Variants in C12orf76 observed in about 807,000 individuals in gnomAD.
C12orf76 encodes the protein chromosome 12 open reading frame 76.
Under a neutral mutation model 6.8 loss-of-function variants are expected in C12orf76, and 6 were observed. That is an observed-to-expected ratio of 0.88 (90% CI 0.48 to 1.73). The LOEUF (loss-of-function observed/expected upper bound fraction) is 1.73. Among genes scored for constraint, C12orf76 ranks in the 40% most tolerant of loss-of-function variants. The pLI is 0.01. For missense variants in C12orf76, 99 were observed against 98.2 expected (o/e 1.01, Z -0.03); for synonymous variants, 56 against 43.7 (o/e 1.28, Z -1.11).
upstream of C12orf76, among the ~76,000 whole-genome samples, chr12:110,068,303 A>AGAAGAAGAAGAAGAAGAAGAAGAG (rs1566080186): frequency 1.0e-4 from 15 of 145,912 alleles, no homozygotes; most frequent in African/African-American, 3.7e-4. Context: ...AAGAAGAAGA[A>AGAAGAAGAAGAAGAAGAAGAAGAG]GAAGAAGAAG....
At chr12:110,056,305 T>A (rs1306006398) in intron 4 of C12orf76, among the ~76,000 whole-genome samples, 2 of 152,142 alleles carry the variant, frequency 1.3e-5, no homozygotes, top group Non-Finnish European at 2.9e-5. Context: ...AATCCCTGAA[T>A]GAAGAGAGAA....
intron 3 of C12orf76, among the ~76,000 whole-genome samples, chr12:110,058,065 CAA>C (rs59838926): frequency 0.074 from 3,913 of 52,758 alleles, 63 homozygotes; most frequent in African/African-American, 0.19. Flanking sequence ...GACTCGGTCT[CAA>C]AAAAAAAAAA....
intron 4 of C12orf76, chr12:110,057,058 G>T (rs113525979): frequency 1.1e-5 from 7 of 662,106 alleles, no homozygotes; most frequent in African/African-American, 8.9e-5. Flanking sequence ...TGGAGGGTGA[G>T]GTTGAGCCCA....
At chr12:110,054,066 C>A (rs1157267489), upstream of C12orf76, among the ~76,000 whole-genome samples, 1 of 151,206 alleles carries the variant, frequency 6.6e-6, no homozygotes, top group Non-Finnish European at 1.5e-5. This position sits in a 1 kb window ranked among gnomAD's most constrained non-coding sequence, Gnocchi z 4.4. Flanking sequence ...CAGAGCAAGA[C>A]CCTGTCTCAA....
upstream of C12orf76, among the ~76,000 whole-genome samples, chr12:110,068,875 C>T: frequency 6.6e-6 from 1 of 152,188 alleles, no homozygotes; most frequent in East Asian, 1.9e-4. Flanking sequence ...ACTACTTCCG[C>T]CAATCCCTAC....
chr12:110,058,978 C>A, intron 3 of C12orf76: 1 of 1,533,572 alleles, frequency 6.5e-7, no homozygotes, highest in Non-Finnish European at 8.8e-7. Context: ...AAGGAAGGTG[C>A]TAGTATTACC....
chr12:110,066,114 C>T (rs576097578), intron 1 of C12orf76: 40 of 1,394,188 alleles, frequency 2.9e-5, no homozygotes, highest in Middle Eastern at 2.8e-4. Flanking sequence ...AGGCCGGGCG[C>T]GGTAGCTCAC....
chr12:110,068,312 AGAAGAAGAAGAAGAAGAAGGC>A (rs879782089), upstream of C12orf76, among the ~76,000 whole-genome samples: 349 of 146,386 alleles, frequency 2.4e-3, 7 homozygotes, highest in Non-Finnish European at 4.1e-3. Context: ...AAGAAGAAGA[AGAAGAAGAAGAAGAAGAAGGC>A]GGCCAAATAG....
At chr12:110,065,809 C>T (rs1892848893) in intron 2 of C12orf76, 2 of 1,613,916 alleles carry the variant, frequency 1.2e-6, no homozygotes, top group African/African-American at 2.7e-5. Flanking sequence ...AATCAAATTC[C>T]AACTCTTCCC....
At chr12:110,044,802 T>G (rs1892404858) in intron 1 of C12orf76, among the ~76,000 whole-genome samples, 1 of 151,932 alleles carries the variant, frequency 6.6e-6, no homozygotes, top group African/African-American at 2.4e-5. Context: ...GGAGAAACCC[T>G]GTCTCTATTG....
chr12:110,051,904 CTTTTTTT>C (rs567991255), upstream of C12orf76, among the ~76,000 whole-genome samples: 7 of 100,660 alleles, frequency 7.0e-5, no homozygotes, highest in South Asian at 3.4e-4. Flanking sequence ...GGCAGCTACT[CTTTTTTT>C]TTTTTTTTTT....
At chr12:110,069,440 A>AAAAC (rs1210525662), upstream of C12orf76, among the ~76,000 whole-genome samples, 142 of 152,336 alleles carry the variant, frequency 9.3e-4, no homozygotes, top group African/African-American at 3.2e-3. Context: ...ACTCCGTCTC[A>AAAAC]AAACAAACAA....
chr12:110,051,432 C>G (rs1566074630), upstream of C12orf76: 1 of 602,960 alleles, frequency 1.7e-6, no homozygotes, highest in African/African-American at 1.9e-5. Flanking sequence ...CCCCCAATCT[C>G]ATTTTTTTTT....
At chr12:110,062,876 C>T (rs925944232) in intron 2 of C12orf76, among the ~76,000 whole-genome samples, 1 of 143,864 alleles carries the variant, frequency 7.0e-6, no homozygotes, top group Non-Finnish European at 1.5e-5. Flanking sequence ...CTCCTGGGCT[C>T]AAGCAATCCT....
intron 1 of C12orf76, among the ~76,000 whole-genome samples, chr12:110,066,979 G>C (rs559582685): frequency 3.3e-5 from 5 of 152,348 alleles, no homozygotes; most frequent in Non-Finnish European, 7.3e-5. Flanking sequence ...TAACTGGGCA[G>C]AGGAGAAGCA....
At chr12:110,063,602 T>TTTTTTTTA (rs1555253076) in intron 2 of C12orf76, among the ~76,000 whole-genome samples, 174 of 138,764 alleles carry the variant, frequency 1.3e-3, no homozygotes, top group East Asian at 3.2e-3. Context: ...GGATTTTTAT[T>TTTTTTTTA]TTTATTTATT....
At chr12:110,066,565 T>C (rs992440259) in intron 1 of C12orf76, among the ~76,000 whole-genome samples, 2 of 151,770 alleles carry the variant, frequency 1.3e-5, no homozygotes, top group Admixed American at 6.6e-5. Context: ...CGCATGCCTG[T>C]AATCCCAGCT....
intron 1 of C12orf76, among the ~76,000 whole-genome samples, chr12:110,046,960 G>A (rs1208502818): frequency 6.6e-6 from 1 of 152,046 alleles, no homozygotes; most frequent in Non-Finnish European, 1.5e-5. Flanking sequence ...GTAATATCCA[G>A]GTTGAGAAAC....
upstream of C12orf76, among the ~76,000 whole-genome samples, chr12:110,069,499 A>G (rs981508928): frequency 2.0e-5 from 3 of 152,200 alleles, no homozygotes; most frequent in African/African-American, 7.2e-5. Flanking sequence ...TAAACCCTTA[A>G]ATTGTCCACA....
Sources: allele counts gnomAD v4.1 joint callset (sites outside exome capture counted in the v4.1 genomes callset), GRCh38; gene constraint gnomAD v4.1.1; non-coding constraint Gnocchi (gnomAD v3.1); transcripts MANE v1.5; gene names NCBI Gene and HGNC (gene_info 2026-07-23, HGNC 2026-07-21).